CBLN4: variants seen among roughly 807,000 people sequenced by gnomAD.
CBLN4 encodes cerebellin 4 precursor, also known as cerebellin-4.
In CBLN4, 7 loss-of-function variants were observed where a neutral mutation model predicts 14.9. That is an observed-to-expected ratio of 0.47 (90% confidence interval 0.27 to 0.88). The LOEUF is 0.88. Among genes scored for constraint, CBLN4 ranks in the 40% least tolerant of loss-of-function variants. The probability of loss-of-function intolerance (pLI) is 0.14; values close to 1 mark genes in which losing one functional copy is unlikely to be tolerated. For missense variants in CBLN4, 188 were observed against 256.8 expected (o/e 0.73, Z 1.83); for synonymous variants, 131 against 116.5 (o/e 1.12, Z -0.80).
Position 56,004,142 on chromosome 20 carries a change from C to A in CBLN4, c.30G>T (p.Ala10=). MGSGRRALS[A]VPAVLLVLTL... Reference sequence around the variant, plus strand: ...TGAGGACCAGCAGCACGGCCGGCACCGCGGACAGCGCCCGGCGCCCGGAGC... The same window carrying A: ...TGAGGACCAGCAGCACGGCCGGCACAGCGGACAGCGCCCGGCGCCCGGAGC... Residue 10 remains alanine, a synonymous_variant, in exon 1 of 3, where the codon GCG becomes GCT. Transcript: ENST00000064571. This position sits in a 1 kb window ranked among gnomAD's most constrained non-coding sequence, Gnocchi z 6.1. 6.4e-7 allele frequency: 1 copy of A among 1,563,542 alleles called. No homozygotes were observed. Among genetic ancestry groups the A allele is most frequent in the Non-Finnish European group, 8.6e-7 (1 of 1,158,934 alleles).
At chr20:55,998,789 C>A (rs957721338) in intron 2 of CBLN4, 35 bp from the exon 3 acceptor site, 11 of 1,524,926 alleles carry the variant, frequency 7.2e-6, no homozygotes, top group Non-Finnish European at 1.0e-5. Flanking sequence ...TTGAAAAGTT[C>A]TCTTTAAAGT....
chr20:56,001,464 C>G (rs1333452858), intron 1 of CBLN4, among the ~76,000 whole-genome samples: 1 of 152,144 alleles, frequency 6.6e-6, no homozygotes, highest in Non-Finnish European at 1.5e-5. Flanking sequence ...AATGCCTGGC[C>G]CTTCTCTGAG....
At chr20:56,003,491 TCAG>T (rs927652205) in intron 1 of CBLN4, among the ~76,000 whole-genome samples, 4 of 152,214 alleles carry the variant, frequency 2.6e-5, no homozygotes, top group African/African-American at 9.6e-5. Flanking sequence ...GGGAGCAGCC[TCAG>T]CGGCACCCGC....
Position 56,005,452 on chromosome 20 carries a change from G to C in CBLN4, c.-1281C>G, listed in dbSNP as rs902272470. 1 of 152,198 alleles carries C rather than the reference G, an allele frequency of 6.6e-6. No homozygotes were observed. The highest frequency in any genetic ancestry group is 1.5e-5 in the Non-Finnish European group (1 of 68,054). 9.4% of individuals were successfully genotyped at this position (152,198 alleles called of 1,614,324 possible). A position where few individuals can be genotyped will look rare whatever the true frequency, so the allele number is the denominator to read the frequency against. On this transcript the variant is annotated 5_prime_UTR_variant, in exon 1 of 3. Transcript: ENST00000064571. ...GGGGACCGGCGGGCGTCCCGACCGC[G>C]CCTGGCCGGGAGCCCGCCCCACACA... is the stretch of plus-strand genomic sequence containing the variant.
chr20:56,003,586 C>T (rs1293670924), intron 1 of CBLN4, among the ~76,000 whole-genome samples: 2 of 152,184 alleles, frequency 1.3e-5, no homozygotes, highest in African/African-American at 4.8e-5. Flanking sequence ...CTCCCGCCGA[C>T]CTGTTGCTCG....
chr20:56,002,884 A>T (rs1986397400), intron 1 of CBLN4, among the ~76,000 whole-genome samples: 1 of 152,188 alleles, frequency 6.6e-6, no homozygotes, highest in Non-Finnish European at 1.5e-5. Flanking sequence ...TGCACATTGC[A>T]GCTTTGCATA....
chr20:56,005,309 C>A lies in CBLN4; in HGVS notation c.-1138G>T, dbSNP rs1188423813. On this transcript the variant is annotated 5_prime_UTR_variant, in exon 1 of 3. Transcript: ENST00000064571. The stretch of plus-strand genomic sequence containing the variant: ...CAGAGGAGGCGGCTGGTCCCCTCAC[C>A]CCTCCCAGCGCGGAACTCTGCCGCC... The A allele has an allele frequency of 6.6e-6, 1 of 152,496 alleles. No individual in the cohort carries two copies. Among genetic ancestry groups the A allele is most frequent in the South Asian group, 2.1e-4 (1 of 4,834 alleles). 9.4% of individuals were successfully genotyped at this position (152,496 alleles called of 1,614,324 possible).
intron 1 of CBLN4, among the ~76,000 whole-genome samples, chr20:56,003,233 C>A (rs1310201216): frequency 6.6e-6 from 1 of 152,192 alleles, no homozygotes; most frequent in Non-Finnish European, 1.5e-5. Flanking sequence ...CTCCCCTCCT[C>A]CGCAACTTTT....
Position 55,998,538 on chromosome 20 carries a change from A to C in CBLN4, c.*19T>G. On this transcript the variant is annotated 3_prime_UTR_variant, in exon 3 of 3. Transcript: ENST00000064571. ...TGGGTCATCCCTCACCTGGATGAAC[A>C]TCATGGAGAAATTGAATCCTATAGG... 1 of 1,614,006 alleles carries C rather than the reference A, an allele frequency of 6.2e-7. No individual in the cohort carries two copies. The highest frequency in any genetic ancestry group is 1.1e-5 in the South Asian group (1 of 91,066).
At chr20:56,000,277 C>T (rs537534247) in intron 2 of CBLN4, among the ~76,000 whole-genome samples, 45 of 152,334 alleles carry the variant, frequency 3.0e-4, no homozygotes, top group African/African-American at 1.0e-3. Flanking sequence ...GTTCCTCCTT[C>T]ATAGACTTAT....
Position 56,004,132 on chromosome 20 carries a change from C to T in CBLN4, c.40G>A (p.Val14Met), listed in dbSNP as rs769675747. 6.3e-7 allele frequency: 1 copy of T among 1,579,896 alleles called. No homozygotes were observed. The highest frequency in any genetic ancestry group is 1.1e-5 in the South Asian group (1 of 88,688). ...CCCGGCAGCGTGAGGACCAGCAGCA[C>T]GGCCGGCACCGCGGACAGCGCCCGG... ...GRRALSAVPAVLLVLTLPGLP... is the reference protein window; with the variant it reads ...GRRALSAVPAMLLVLTLPGLP... The change falls in exon 1 of 3, where the codon GTG becomes ATG. Residue 14 changes from valine to methionine, a missense_variant. Around this residue, in one of 2 missense-constraint regions of CBLN4, gnomAD observed 95 missense variants for 99.2 expected, o/e 0.96. Coordinates refer to ENST00000064571, the MANE Select transcript of CBLN4 (RefSeq NM_080617.6). This position sits in a 1 kb window ranked among gnomAD's most constrained non-coding sequence, Gnocchi z 6.1.
chr20:56,004,355 G>C lies in CBLN4; in HGVS notation c.-184C>G. On this transcript the variant is annotated 5_prime_UTR_variant, in exon 1 of 3. Coordinates refer to ENST00000064571, the MANE Select transcript of CBLN4 (RefSeq NM_080617.6). This position sits in a 1 kb window ranked among gnomAD's most constrained non-coding sequence, Gnocchi z 6.1. ...GCTTGAAGTCAAAGTCTCCCCTCGA[G>C]CTCTCTCGCTGGCTCTGTTACCTTT... 1.8e-6 allele frequency: 1 copy of C among 541,768 alleles called. No individual in the cohort carries two copies. Among genetic ancestry groups the C allele is most frequent in the Non-Finnish European group, 3.1e-6 (1 of 324,518 alleles). The allele number at this position is 541,768 out of a possible 1,614,324, so 33.6% of individuals were successfully genotyped here.
Position 55,998,598 on chromosome 20 carries a change from G to T in CBLN4, c.565C>A (p.Gln189Lys), listed in dbSNP as rs1223961526. Residue 189 changes from glutamine to lysine, a missense_variant, in exon 3 of 3, where the codon CAG (glutamine) becomes AAG (lysine). Transcript: ENST00000064571. ...LEKGNLVGGW[Q>K]YSTFSGFLVF... ...AGAAAGCCAGAAAACGTGGAATACT[G>T]CCAGCCTCCAACCAAATTACCTTTC... The T allele has an allele frequency of 3.7e-6, 6 of 1,613,996 alleles. No individual in the cohort carries two copies. The highest frequency in any genetic ancestry group is 1.3e-5 in the African/African-American group (1 of 74,924).
At chr20:56,001,857 G>A (rs149969186) in intron 1 of CBLN4, among the ~76,000 whole-genome samples, 1 of 152,136 alleles carries the variant, frequency 6.6e-6, no homozygotes, top group African/African-American at 2.4e-5. Context: ...CTCTTTCTAT[G>A]AGAAAGAGGG....
intron 1 of CBLN4, 34 bp downstream of exon 1, chr20:56,003,847 A>T: frequency 6.4e-7 from 1 of 1,555,860 alleles, no homozygotes; most frequent in Non-Finnish European, 8.7e-7. Context: ...GAGACCGCCC[A>T]CCCCCTAGGT....
intron 1 of CBLN4, among the ~76,000 whole-genome samples, chr20:56,002,016 C>T (rs1236286159): frequency 1.3e-5 from 2 of 152,148 alleles, no homozygotes; most frequent in Admixed American, 6.5e-5. Context: ...CTATCTCTTT[C>T]GAACACTGCA....
In CBLN4 at chr20:56,004,491, C is replaced by CA; in HGVS notation, c.-321dup. 1 of 318,068 alleles carries CA rather than the reference C, an allele frequency of 3.1e-6. No homozygotes were observed. The highest frequency in any genetic ancestry group is 5.7e-6 in the Non-Finnish European group (1 of 175,734). The allele number at this position is 318,068 out of a possible 1,614,324, so 19.7% of individuals were successfully genotyped here. A position where few individuals can be genotyped will look rare whatever the true frequency, so the allele number is the denominator to read the frequency against. ...TGGTTCCTAGACATCTGAAAGTCAT[C>CA]AAACCCTCACATTCACACCTCAAGG... On this transcript the variant is annotated 5_prime_UTR_variant, in exon 1 of 3. Coordinates refer to ENST00000064571, the MANE Select transcript of CBLN4 (RefSeq NM_080617.6). This position sits in a 1 kb window ranked among gnomAD's most constrained non-coding sequence, Gnocchi z 6.1.
At chr20:56,001,589 G>A (rs933361744) in intron 1 of CBLN4, among the ~76,000 whole-genome samples, 42 of 152,126 alleles carry the variant, frequency 2.8e-4, no homozygotes, top group African/African-American at 9.9e-4. Context: ...TGCCAAAGAG[G>A]AGAGCATAGA....
Position 55,998,500 on chromosome 20 carries a change from A to T in CBLN4, c.*57T>A. On this transcript the variant is annotated 3_prime_UTR_variant, in exon 3 of 3. Coordinates refer to ENST00000064571, the MANE Select transcript of CBLN4 (RefSeq NM_080617.6). ...TCCAATGATGAAAAAATGATCTTCC[A>T]ATAACTCAGGAGTGGGTCATCCCTC... The T allele has an allele frequency of 6.3e-7, 1 of 1,586,442 alleles. No homozygotes were observed. The highest frequency in any genetic ancestry group is 8.6e-7 in the Non-Finnish European group (1 of 1,158,020).
Sources: gnomAD v4.1 joint callset for allele counts (sites outside exome capture counted in the v4.1 genomes callset) on GRCh38, gnomAD v4.1.1 for gene constraint, gnomAD v4.1.1 regional missense constraint, Gnocchi (gnomAD v3.1) non-coding constraint, MANE v1.5 for transcripts, NCBI Gene and HGNC (gene_info 2026-07-23, HGNC 2026-07-21) for gene names.